The following C10orf71 variants were observed in gnomAD, a reference collection of about 807,000 sequenced individuals.
C10orf71 encodes chromosome 10 open reading frame 71, also known as cardiac-enriched FHL2-interacting protein.
For synonymous variants in C10orf71, 758 were observed against 726.3 expected (o/e 1.04, Z -0.70); for missense variants, 1,869 against 1,804.5 (o/e 1.04, Z -0.65).
chr10:49,311,495 CAG>C (rs1473308861), intron 1 of C10orf71, among the ~76,000 whole-genome samples: 1 of 152,210 alleles, frequency 6.6e-6, no homozygotes, highest in Non-Finnish European at 1.5e-5. Flanking sequence ...ACTCAACAAC[CAG>C]AGCTGAAAAC....
At chr10:49,300,668 C>T (rs1446816936) in intron 1 of C10orf71, among the ~76,000 whole-genome samples, 5 of 152,132 alleles carry the variant, frequency 3.3e-5, no homozygotes, top group East Asian at 1.9e-4. Flanking sequence ...AGACACACAG[C>T]GTGTCCATGT....
At chr10:49,310,814 A>G (rs941066957) in intron 1 of C10orf71, among the ~76,000 whole-genome samples, 1 of 151,828 alleles carries the variant, frequency 6.6e-6, no homozygotes, top group South Asian at 2.1e-4. Context: ...GATGATGATG[A>G]TGATGAAGAA....
chr10:49,301,811 A>AG (rs1848733515), intron 1 of C10orf71, among the ~76,000 whole-genome samples: 1 of 152,218 alleles, frequency 6.6e-6, no homozygotes, highest in African/African-American at 2.4e-5. Flanking sequence ...CTCCAGACTT[A>AG]GGGACCTCCC....
In C10orf71 at chr10:49,322,758, A is replaced by G. The variant is rs1341418880; in HGVS notation, c.213A>G (p.Thr71=). ...RQVFGTFHQR[T]VGHTQRKSGI... Reference sequence around the variant, plus strand: ...TGTTTGGGACTTTTCACCAGAGAACAGTGGGCCACACCCAGAGGAAAAGTG... The same window carrying G: ...TGTTTGGGACTTTTCACCAGAGAACGGTGGGCCACACCCAGAGGAAAAGTG... The change falls in exon 3 of 3, where the codon ACA becomes ACG. Residue 71 remains threonine (T), a synonymous_variant. Coordinates refer to ENST00000374144, the MANE Select transcript of C10orf71 (RefSeq NM_001135196.2). 1.9e-6 allele frequency: 3 copies of G among 1,613,740 alleles called. No homozygotes were observed. Among genetic ancestry groups the G allele is most frequent in the South Asian group, 1.1e-5 (1 of 91,066 alleles).
intron 1 of C10orf71, among the ~76,000 whole-genome samples, chr10:49,311,568 A>G (rs1848915246): frequency 6.6e-6 from 1 of 152,240 alleles, no homozygotes; most frequent in South Asian, 2.1e-4. Flanking sequence ...CAAGCCAGGG[A>G]CCTCACACCA....
chr10:49,314,099 A>G (rs1848960123), intron 1 of C10orf71, among the ~76,000 whole-genome samples: 1 of 152,218 alleles, frequency 6.6e-6, no homozygotes, highest in Non-Finnish European at 1.5e-5. Context: ...CCACGAGTCT[A>G]GATTGCAGCC....
rs1849208637 is a variant in C10orf71, at chr10:49,325,439, G to A, written c.2894G>A (p.Gly965Glu). Residue 965 changes from glycine (G) to glutamate (E), a missense_variant, in exon 3 of 3, where the codon GGA becomes GAA. Coordinates refer to ENST00000374144, the MANE Select transcript of C10orf71 (RefSeq NM_001135196.2). ...AATTTCCCATCTATGCCTCTGGTGG[G>A]AGAGGGGGACCGGGTGAAGGCACCA... ...KGNFPSMPLV[G>E]EGDRVKAPPD... 1.3e-6 allele frequency: 2 copies of A among 1,550,148 alleles called. No individual in the cohort carries two copies. The highest frequency in any genetic ancestry group is 1.7e-6 in the Non-Finnish European group (2 of 1,145,776).
chr10:49,323,970 A>C lies in C10orf71; in HGVS notation c.1425A>C (p.Leu475=). 1.2e-6 allele frequency: 2 copies of C among 1,613,782 alleles called. No homozygotes were observed. The highest frequency in any genetic ancestry group is 1.7e-6 in the Non-Finnish European group (2 of 1,179,784). The change falls in exon 3 of 3, where the codon CTA becomes CTC. Residue 475 remains leucine (L), a synonymous_variant. Coordinates refer to ENST00000374144, the MANE Select transcript of C10orf71 (RefSeq NM_001135196.2). ...GAACCCCATCACCCCCAGGACAGCT[A>C]AACGGATACCAAGAGAAGGAGCCCA... ...AERTPSPPGQ[L]NGYQEKEPSE... is the part of the protein sequence containing the mutation.
intron 1 of C10orf71, among the ~76,000 whole-genome samples, chr10:49,304,494 C>G (rs963642296): frequency 3.3e-5 from 5 of 152,214 alleles, no homozygotes; most frequent in Non-Finnish European, 7.3e-5. Context: ...CCTGGGACTA[C>G]CAGGGGGCTA....
chr10:49,326,112 T>C lies in C10orf71; in HGVS notation c.3567T>C (p.Ser1189=). ...KALRRAKKLA[S]KRRKTDQAQE... is the part of the protein sequence containing the mutation. ...TGCGGCGGGCAAAGAAGCTGGCAAG[T>C]AAGAGGAGGAAGACGGATCAGGCTC... The change falls in exon 3 of 3, where the codon AGT becomes AGC. Residue 1189 remains serine (S), a synonymous_variant. Coordinates refer to ENST00000374144, the MANE Select transcript of C10orf71 (RefSeq NM_001135196.2). 5.2e-6 allele frequency: 8 copies of C among 1,551,572 alleles called. No homozygotes were observed. The highest frequency in any genetic ancestry group is 7.0e-6 in the Non-Finnish European group (8 of 1,146,934).
chr10:49,307,052 G>T (rs1848826513), intron 1 of C10orf71, among the ~76,000 whole-genome samples: 1 of 152,250 alleles, frequency 6.6e-6, no homozygotes. Flanking sequence ...AGCAGGACTG[G>T]CACTCACCCA....
chr10:49,297,677 C>T (rs1272406071), upstream of C10orf71, among the ~76,000 whole-genome samples: 3 of 152,190 alleles, frequency 2.0e-5, no homozygotes, highest in Admixed American at 2.0e-4. Flanking sequence ...TAAACTGAGG[C>T]TCAGGAAGGG....
At chr10:49,310,993 C>T (rs1417495572) in intron 1 of C10orf71, among the ~76,000 whole-genome samples, 1 of 152,060 alleles carries the variant, frequency 6.6e-6, no homozygotes, top group Non-Finnish European at 1.5e-5. Context: ...TTTTAATTTG[C>T]TCAATCTAGC....
intron 1 of C10orf71, among the ~76,000 whole-genome samples, chr10:49,304,329 A>G (rs1848777097): frequency 6.6e-6 from 1 of 152,128 alleles, no homozygotes; most frequent in South Asian, 2.1e-4. Flanking sequence ...GTGTGACCTT[A>G]AGTGAGTTCC....
intron 1 of C10orf71, among the ~76,000 whole-genome samples, chr10:49,306,413 G>C (rs1247610835): frequency 6.6e-6 from 1 of 152,232 alleles, no homozygotes; most frequent in Non-Finnish European, 1.5e-5. Context: ...CTTTAGAGCT[G>C]GGTCTCCGCT....
intron 1 of C10orf71, among the ~76,000 whole-genome samples, chr10:49,302,192 G>A (rs1379548340): frequency 6.6e-6 from 1 of 152,198 alleles, no homozygotes; most frequent in Non-Finnish European, 1.5e-5. Context: ...TGTGTCAGGA[G>A]GTTGGTTCCA....
At chr10:49,298,276 G>C (rs1848668724), upstream of C10orf71, among the ~76,000 whole-genome samples, 1 of 152,204 alleles carries the variant, frequency 6.6e-6, no homozygotes, top group South Asian at 2.1e-4. Context: ...ACCCAGCGGG[G>C]GCCAGTCATC....
At chr10:49,304,226 G>A (rs1848775811) in intron 1 of C10orf71, among the ~76,000 whole-genome samples, 1 of 152,308 alleles carries the variant, frequency 6.6e-6, no homozygotes, top group Admixed American at 6.5e-5. Context: ...ACAAACCTGT[G>A]GCAGATAGAA....
chr10:49,327,070 G>A lies in C10orf71; in HGVS notation c.*217G>A, dbSNP rs116600597. The stretch of plus-strand genomic sequence containing the variant: ...CTCCCTGGCTCTCCTCTGATGGAGG[G>A]GCACTGCTTGCTTGGCCCGGTCCCC... On this transcript the variant is annotated 3_prime_UTR_variant, in exon 3 of 3. Coordinates refer to ENST00000374144, the MANE Select transcript of C10orf71 (RefSeq NM_001135196.2). 577 of 1,507,480 alleles carry A rather than the reference G, an allele frequency of 3.8e-4. 5 individuals carry two copies. In the African/African-American group the frequency reaches 7.1e-3, roughly 19 times the overall value. The allele number at this position is 1,507,480 out of a possible 1,614,324, so 93.4% of individuals were successfully genotyped here. A position where few individuals can be genotyped will look rare whatever the true frequency, so the allele number is the denominator to read the frequency against.
Sources: gnomAD v4.1 joint callset for allele counts (sites outside exome capture counted in the v4.1 genomes callset) on GRCh38, gnomAD v4.1.1 for gene constraint, MANE v1.5 for transcripts, NCBI Gene and HGNC (gene_info 2026-07-23, HGNC 2026-07-21) for gene names.